UGT1A6: variants seen among roughly 807,000 people sequenced by gnomAD.
UGT1A6 encodes the protein UDP glucuronosyltransferase family 1 member A6.
A neutral mutation model predicts 44.4 loss-of-function variants in UGT1A6; 32 were observed. That is an observed-to-expected ratio of 0.72 (90% CI 0.54 to 0.97). UGT1A6 has a LOEUF of 0.97. Ranked by LOEUF, UGT1A6 falls within the 50% of genes least tolerant of loss-of-function variation. The pLI, the probability that UGT1A6 is intolerant of heterozygous loss-of-function variation, is 0.00. For missense variants in UGT1A6, 685 were observed against 661.9 expected (o/e 1.03, Z -0.38); for synonymous variants, 238 against 248.5 (o/e 0.96, Z 0.40).
intron 1 of UGT1A6, chr2:233,719,435 G>A (rs2076765581): frequency 6.2e-7 from 1 of 1,613,916 alleles, no homozygotes; most frequent in East Asian, 2.2e-5. Flanking sequence ...CAGACCACAT[G>A]ACATTCCTGC....
chr2:233,695,327 C>T (rs372651727), intron 1 of UGT1A6, among the ~76,000 whole-genome samples: 3 of 151,842 alleles, frequency 2.0e-5, no homozygotes, highest in African/African-American at 4.8e-5. Flanking sequence ...GGTTTCACCA[C>T]GTTGGCCAGG....
chr2:233,731,014 G>A (rs759586462), intron 1 of UGT1A6, among the ~76,000 whole-genome samples: 7 of 152,190 alleles, frequency 4.6e-5, no homozygotes, highest in Non-Finnish European at 7.3e-5. Context: ...TACATCGTGA[G>A]AGAATCAGCC....
At chr2:233,703,467 T>G (rs1299395084) in intron 1 of UGT1A6, among the ~76,000 whole-genome samples, 1 of 152,154 alleles carries the variant, frequency 6.6e-6, no homozygotes, top group African/African-American at 2.4e-5. Flanking sequence ...CTATTCTTTA[T>G]TATTTTCTGC....
intron 1 of UGT1A6, among the ~76,000 whole-genome samples, chr2:233,739,434 A>G (rs369218024): frequency 2.4e-4 from 37 of 152,256 alleles, no homozygotes; most frequent in African/African-American, 8.2e-4. Context: ...CGAGGGCTTT[A>G]CCCTGCAAAG....
intron 1 of UGT1A6, chr2:233,742,016 C>T (rs115965783): frequency 0.01 from 1,533 of 152,008 alleles, 58 homozygotes; most frequent in African/African-American, 0.035. Context: ...CTTTCATCAA[C>T]CTAATTTGAT....
At position 233,703,223 on chromosome 2, in the gene UGT1A6, T is replaced by C. The variant is rs529821156; in HGVS notation, c.861+9358T>C. ...GTCAATTTTATCTAAGTTATCTAAT[T>C]CCTTGGCATAAAATGGCCCAGAGTG... is the stretch of plus-strand genomic sequence containing the variant. On this transcript the variant is annotated intron_variant, in intron 1 of 4. Coordinates refer to ENST00000305139, the MANE Select transcript of UGT1A6 (RefSeq NM_001072.4). Among the ~76,000 whole-genome samples the C allele has an allele frequency of 7.9e-5, 12 of 152,310 alleles. No homozygotes were observed. In the South Asian group the frequency reaches 2.5e-3, roughly 32 times the overall value.
At chr2:233,728,376 T>C (rs1983023) in intron 1 of UGT1A6, among the ~76,000 whole-genome samples, 69,101 of 151,732 alleles carry the variant, frequency 0.46, 17,142 homozygotes, top group African/African-American at 0.66. Context: ...ACCATGGGTC[T>C]TTGCTAGGGT....
intron 1 of UGT1A6, chr2:233,729,825 C>T (rs770263678): frequency 5.6e-6 from 9 of 1,613,784 alleles, no homozygotes; most frequent in African/African-American, 2.7e-5. Context: ...CTTATGCAAG[C>T]CTTGCCTCTG....
chr2:233,713,134 T>C (rs3755323), intron 1 of UGT1A6: 158,247 of 1,614,024 alleles, frequency 0.098, 8,762 homozygotes, highest in South Asian at 0.2. Flanking sequence ...CGGGAGGCCT[T>C]GCGGGACCTC....
At chr2:233,700,633 T>C (rs2075577336) in intron 1 of UGT1A6, among the ~76,000 whole-genome samples, 1 of 152,220 alleles carries the variant, frequency 6.6e-6, no homozygotes, top group African/African-American at 2.4e-5. Context: ...TAAGATTTAA[T>C]GACTTTAAGT....
At chr2:233,739,813 T>G (rs1439144869) in intron 1 of UGT1A6, among the ~76,000 whole-genome samples, 1 of 151,900 alleles carries the variant, frequency 6.6e-6, no homozygotes, top group Non-Finnish European at 1.5e-5. Context: ...GCATGATTGG[T>G]TTTTAAATGT....
intron 1 of UGT1A6, among the ~76,000 whole-genome samples, chr2:233,720,704 C>CTT (rs796417980): frequency 5.7e-5 from 8 of 139,174 alleles, no homozygotes; most frequent in Non-Finnish European, 9.4e-5. Context: ...GGGAGCCATC[C>CTT]TTTTTTTTTT....
chr2:233,697,942 A>G (rs539940045), intron 1 of UGT1A6, among the ~76,000 whole-genome samples: 1 of 152,382 alleles, frequency 6.6e-6, no homozygotes, highest in South Asian at 2.1e-4. Context: ...GGAAAAAAGT[A>G]AATGAAAGCT....
Position 233,769,698 on chromosome 2 carries a change from G to A in UGT1A6, c.1301+1259G>A. The A allele has an allele frequency of 6.5e-7, 1 of 1,529,982 alleles. No individual in the cohort carries two copies. Among genetic ancestry groups the A allele is most frequent in the Non-Finnish European group, 8.8e-7 (1 of 1,137,522 alleles). 94.8% of individuals were successfully genotyped at this position (1,529,982 alleles called of 1,614,324 possible). On this transcript the variant is annotated intron_variant, in intron 4 of 4. Coordinates refer to ENST00000305139, the MANE Select transcript of UGT1A6 (RefSeq NM_001072.4). The surrounding 1 kb of genome is among the most constrained non-coding windows in gnomAD (Gnocchi z 4.4). ...GTGTGTGTGGTGGCACTGGATAAAAGATCAATGTTGGCTAGGCACCATGGC... is the reference window on the plus strand; with the variant it reads ...GTGTGTGTGGTGGCACTGGATAAAAAATCAATGTTGGCTAGGCACCATGGC...
At position 233,767,163 on chromosome 2, in the gene UGT1A6, A is replaced by C; in HGVS notation, c.991A>C (p.Thr331Pro). ...TGATGCTTTGGGCAAAATCCCTCAG[A>C]CAGTAAGAAGATTCTATACCATGGC... is the stretch of plus-strand genomic sequence containing the variant. Reference protein sequence around the residue: ...IADALGKIPQTVLWRYTGTRP... With the variant: ...IADALGKIPQPVLWRYTGTRP... Residue 331 changes from threonine (T) to proline (P), a missense_variant and splice_region_variant, in exon 2 of 5, where the codon ACA becomes CCA. Thr to Pro is a conservative substitution (Grantham distance 38). Coordinates refer to ENST00000305139, the MANE Select transcript of UGT1A6 (RefSeq NM_001072.4). The C allele has an allele frequency of 6.2e-7, 1 of 1,614,100 alleles. No individual in the cohort carries two copies. The highest frequency in any genetic ancestry group is 8.5e-7 in the Non-Finnish European group (1 of 1,180,006).
chr2:233,718,714 A>G (rs1440989582), intron 1 of UGT1A6: 4 of 1,607,872 alleles, frequency 2.5e-6, no homozygotes, highest in Non-Finnish European at 3.4e-6. Flanking sequence ...TTCCAATTAC[A>G]TGCTGATTTG....
intron 1 of UGT1A6, among the ~76,000 whole-genome samples, chr2:233,749,630 C>T (rs1185419016): frequency 6.6e-6 from 1 of 151,806 alleles, no homozygotes. Context: ...CTCTGTATCC[C>T]CCACCAAATC....
In UGT1A6 at chr2:233,772,400, C is replaced by T. The variant is rs1479735066; in HGVS notation, c.1440C>T (p.Leu480=). ...APHLRPAAHD[L]TWYQYHSLDV... is the part of the protein sequence containing the mutation. ...ACCTGCGCCCCGCAGCCCACGACCT[C>T]ACCTGGTACCAGTACCATTCCTTGG... Residue 480 remains leucine, a synonymous_variant, in exon 5 of 5, where the codon CTC becomes CTT. Transcript: ENST00000305139. 1 of 1,614,246 alleles carries T rather than the reference C, an allele frequency of 6.2e-7. No homozygotes were observed.
intron 1 of UGT1A6, among the ~76,000 whole-genome samples, chr2:233,737,258 C>A (rs552536149): frequency 6.6e-6 from 1 of 152,360 alleles, no homozygotes; most frequent in Admixed American, 6.5e-5. Context: ...CAAGCCTCAG[C>A]AATGGCGGAC....
Sources: gnomAD v4.1 joint callset for allele counts (sites outside exome capture counted in the v4.1 genomes callset) on GRCh38, gnomAD v4.1.1 for gene constraint, Gnocchi (gnomAD v3.1) non-coding constraint, MANE v1.5 for transcripts, NCBI Gene and HGNC (gene_info 2026-07-23, HGNC 2026-07-21) for gene names.